JAK2: variants seen among roughly 807,000 people sequenced by gnomAD.
The protein encoded by JAK2 is tyrosine-protein kinase JAK2.
Under a neutral mutation model 139.3 loss-of-function variants are expected in JAK2, and 86 were observed. The observed-to-expected ratio is 0.62, with a 90% CI of 0.52 to 0.74. JAK2 has a LOEUF of 0.74. Ranked by LOEUF, JAK2 falls within the 30% of genes least tolerant of loss-of-function variation. The pLI is 0.00. For missense variants in JAK2, 1,421 were observed against 1,360.3 expected (o/e 1.04, Z -0.70); for synonymous variants, 490 against 437.7 (o/e 1.12, Z -1.49).
chr9:5,022,919 GTATT>G (rs1262119614), intron 3 of JAK2, among the ~76,000 whole-genome samples: 1 of 152,158 alleles, frequency 6.6e-6, no homozygotes, highest in African/African-American at 2.4e-5. Context: ...GTCTAATATA[GTATT>G]TATAAGAATG....
intron 22 of JAK2, chr9:5,109,364 A>G (rs532988076): frequency 2.0e-4 from 30 of 152,308 alleles, no homozygotes; most frequent in African/African-American, 6.7e-4. Context: ...TTATCTACCA[A>G]GAAAGTATGC....
chr9:5,050,860 T>A, intron 6 of JAK2, 29 bp downstream of exon 6: 1 of 1,562,408 alleles, frequency 6.4e-7, no homozygotes, highest in African/African-American at 1.4e-5. Flanking sequence ...TCCTTACACA[T>A]AAGTGTGAGT....
At chr9:5,032,711 A>C (rs1409673750) in intron 4 of JAK2, among the ~76,000 whole-genome samples, 1 of 152,160 alleles carries the variant, frequency 6.6e-6, no homozygotes, top group Non-Finnish European at 1.5e-5. Flanking sequence ...AAAACTAACA[A>C]ACAGAAATGA....
intron 4 of JAK2, among the ~76,000 whole-genome samples, chr9:5,033,525 G>C (rs1451433101): frequency 6.6e-6 from 1 of 152,224 alleles, no homozygotes; most frequent in Non-Finnish European, 1.5e-5. Flanking sequence ...AAGCCCATCA[G>C]ACTAACAGCA....
At chr9:5,048,373 C>A (rs1027184994) in intron 5 of JAK2, among the ~76,000 whole-genome samples, 11 of 152,072 alleles carry the variant, frequency 7.2e-5, no homozygotes, top group Non-Finnish European at 1.6e-4. Context: ...GAACTCCTGA[C>A]CTTGTCATCT....
At chr9:5,008,875 T>A (rs1468160777) in intron 2 of JAK2, among the ~76,000 whole-genome samples, 1 of 152,216 alleles carries the variant, frequency 6.6e-6, no homozygotes, top group African/African-American at 2.4e-5. Context: ...ATTGATCCTC[T>A]TATTTCTTAC....
intron 19 of JAK2, among the ~76,000 whole-genome samples, chr9:5,082,157 G>C (rs1819748686): frequency 6.6e-6 from 1 of 152,184 alleles, no homozygotes; most frequent in South Asian, 2.1e-4. Flanking sequence ...CAGGGGACCA[G>C]TGCTCAGCAT....
chr9:5,016,789 AC>A (rs2130020470), intron 2 of JAK2, among the ~76,000 whole-genome samples: 1 of 152,136 alleles, frequency 6.6e-6, no homozygotes, highest in Non-Finnish European at 1.5e-5. Context: ...CATTATCCTA[AC>A]TTTTTTTCAC....
intron 22 of JAK2, chr9:5,111,008 G>T: frequency 1.4e-6 from 1 of 734,200 alleles, no homozygotes; most frequent in Non-Finnish European, 2.3e-6. Flanking sequence ...GTTGCCAACG[G>T]GAAGGGCCGG....
At chr9:5,055,555 T>C (rs1817702257) in intron 7 of JAK2, 114 bp from the exon 8 acceptor site, 1 of 783,690 alleles carries the variant, frequency 1.3e-6, no homozygotes. Flanking sequence ...TCTATTGTTA[T>C]CAATACCTTT....
intron 9 of JAK2, among the ~76,000 whole-genome samples, chr9:5,065,751 G>C (rs1215331105): frequency 1.3e-5 from 2 of 152,090 alleles, no homozygotes; most frequent in Admixed American, 6.5e-5. Flanking sequence ...TCTTAGCTAG[G>C]ATGTGGTTTA....
intron 19 of JAK2, among the ~76,000 whole-genome samples, chr9:5,087,943 T>C (rs889056444): frequency 1.3e-5 from 2 of 152,240 alleles, no homozygotes; most frequent in Non-Finnish European, 2.9e-5. Flanking sequence ...ATACAATAAT[T>C]AAAAATTATT....
chr9:5,038,596 ATT>A (rs58788809), intron 4 of JAK2, among the ~76,000 whole-genome samples: 36,025 of 146,416 alleles, frequency 0.25, 4,390 homozygotes, highest in South Asian at 0.3. Flanking sequence ...TGGATTTTAG[ATT>A]TTTTTTTTTT....
At chr9:5,091,220 T>G (rs1256291381) in intron 22 of JAK2, 1 of 193,024 alleles carries the variant, frequency 5.2e-6, no homozygotes, top group East Asian at 1.3e-4. Flanking sequence ...TGTGGTATTG[T>G]GTTGAATTTT....
At position 5,027,136 on chromosome 9, in the gene JAK2, G is replaced by A. The variant is rs551175670; in HGVS notation, c.227-2647G>A. ...AACCTTTCTATAGAGGACAACTGAA[G>A]AAACCAGATGAAATGTTTTAAAAAT... On this transcript the variant is annotated intron_variant, in intron 3 of 24. Coordinates refer to ENST00000381652, the MANE Select transcript of JAK2 (RefSeq NM_004972.4). 2.0e-5 allele frequency among the ~76,000 whole-genome samples: 3 copies of A among 152,284 alleles called. No homozygotes were observed. In the South Asian group the frequency reaches 6.2e-4, roughly 32 times the overall value.
chr9:4,989,656 G>A (rs947258226), intron 2 of JAK2, among the ~76,000 whole-genome samples: 3 of 152,154 alleles, frequency 2.0e-5, no homozygotes, highest in Admixed American at 1.3e-4. Flanking sequence ...GGGCAGATAA[G>A]CTAAATAATA....
At chr9:5,040,408 A>C (rs1816395297) in intron 4 of JAK2, among the ~76,000 whole-genome samples, 1 of 152,242 alleles carries the variant, frequency 6.6e-6, no homozygotes. Flanking sequence ...GGTTTCTTAG[A>C]TATGACACCA....
intron 19 of JAK2, chr9:5,085,907 C>A (rs1222260522): frequency 4.2e-6 from 4 of 947,822 alleles, no homozygotes; most frequent in Non-Finnish European, 7.0e-6. Flanking sequence ...TTCTAATACC[C>A]TCATACAGAC....
chr9:5,114,824 C>T (rs1256723917), intron 22 of JAK2: 2 of 276,790 alleles, frequency 7.2e-6, no homozygotes, highest in South Asian at 3.6e-5. Flanking sequence ...CTGCCTTCCT[C>T]CCCACTAGGG....
Sources: allele counts gnomAD v4.1 joint callset (sites outside exome capture counted in the v4.1 genomes callset), GRCh38; gene constraint gnomAD v4.1.1; transcripts MANE v1.5; gene names NCBI Gene and HGNC (gene_info 2026-07-23, HGNC 2026-07-21).